Variants in PHLPP1 observed in about 807,000 individuals in gnomAD.
PHLPP1 encodes the protein PH domain and leucine rich repeat protein phosphatase 1.
Under a neutral mutation model 117.2 loss-of-function variants are expected in PHLPP1, and 42 were observed. That is an observed-to-expected ratio of 0.36 (90% confidence interval 0.28 to 0.46). The LOEUF is 0.46. PHLPP1 is among the 20% of genes least tolerant of loss of function. The pLI, the probability that PHLPP1 is intolerant of heterozygous loss-of-function variation, is 1.00. For synonymous variants in PHLPP1, 1,042 were observed against 970.7 expected, an observed-to-expected ratio of 1.07 and a Z score of -1.37; for missense variants, 2,084 against 2,241.9, an observed-to-expected ratio of 0.93 and a Z score of 1.42.
intron 8 of PHLPP1, among the ~76,000 whole-genome samples, chr18:62,912,122 A>T (rs1916966698): frequency 8.4e-6 from 1 of 118,932 alleles, no homozygotes. Flanking sequence ...TGGACACAGG[A>T]AGGGGAATAT....
chr18:62,853,127 A>G (rs894410803), intron 3 of PHLPP1, among the ~76,000 whole-genome samples: 6 of 152,198 alleles, frequency 3.9e-5, no homozygotes, highest in Non-Finnish European at 7.3e-5. Context: ...TGTTCACATT[A>G]GCATTTTTTA....
intron 1 of PHLPP1, among the ~76,000 whole-genome samples, chr18:62,747,387 C>T (rs116136481): frequency 8.7e-4 from 131 of 150,900 alleles, no homozygotes; most frequent in African/African-American, 2.7e-3. Context: ...TGAGTTCAGG[C>T]GATTCTCAGC....
intron 1 of PHLPP1, among the ~76,000 whole-genome samples, chr18:62,731,488 C>T (rs1911226787): frequency 6.6e-6 from 1 of 152,146 alleles, no homozygotes; most frequent in Non-Finnish European, 1.5e-5. Flanking sequence ...TGGCTATTCC[C>T]CCATCTTTTT....
At chr18:62,947,638 T>G (rs2144461745) in intron 12 of PHLPP1, among the ~76,000 whole-genome samples, 1 of 152,344 alleles carries the variant, frequency 6.6e-6, no homozygotes, top group African/African-American at 2.4e-5. Flanking sequence ...TTTGCTGGTC[T>G]TAGTGTCTGT....
chr18:62,920,227 A>G, intron 10 of PHLPP1, 113 bp downstream of exon 10: 1 of 1,036,616 alleles, frequency 9.6e-7, no homozygotes, highest in East Asian at 2.6e-5. Context: ...TCTGTCCCAG[A>G]TTTGTGAAGG....
intron 10 of PHLPP1, among the ~76,000 whole-genome samples, chr18:62,923,930 T>C (rs1909548258): frequency 6.6e-6 from 1 of 152,240 alleles, no homozygotes; most frequent in Non-Finnish European, 1.5e-5. Context: ...CATGGTTCAA[T>C]GTAGCAGACA....
Position 62,978,394 on chromosome 18 carries a change from A to G in PHLPP1, c.4117A>G (p.Ser1373Gly). 6.2e-7 allele frequency: 1 copy of G among 1,612,580 alleles called. No individual in the cohort carries two copies. Among genetic ancestry groups the G allele is most frequent in the Non-Finnish European group, 8.5e-7 (1 of 1,179,340 alleles). ...TPQDEFFILGSKGLWDSLSVE... is the reference protein window; with the variant it reads ...TPQDEFFILGGKGLWDSLSVE... ...CCAGGATGAGTTCTTCATCCTAGGC[A>G]GTAAGGGGTTGTGGGACAGCCTGTC... The change falls in exon 17 of 17, where the codon AGT becomes GGT. Residue 1373 changes from serine to glycine, a missense_variant. By Grantham distance (56) the Ser-to-Gly change is moderately conservative. Around this residue, in one of 2 missense-constraint regions of PHLPP1, gnomAD observed 1,365 missense variants for 1,605.9 expected, o/e 0.85. Transcript: ENST00000262719. This position sits in a 1 kb window ranked among gnomAD's most constrained non-coding sequence, Gnocchi z 7.0.
chr18:62,949,282 T>C (rs1910385349), intron 12 of PHLPP1, among the ~76,000 whole-genome samples: 1 of 152,212 alleles, frequency 6.6e-6, no homozygotes. Flanking sequence ...TTCATAGCTT[T>C]GTTACCAAAG....
chr18:62,822,115 A>G (rs1178493978), intron 1 of PHLPP1, among the ~76,000 whole-genome samples: 1 of 152,094 alleles, frequency 6.6e-6, no homozygotes, highest in Non-Finnish European at 1.5e-5. Flanking sequence ...ATTATCAATT[A>G]AATTCATCAT....
At chr18:62,850,073 AT>A (rs550738658) in intron 3 of PHLPP1, among the ~76,000 whole-genome samples, 49,799 of 134,796 alleles carry the variant, frequency 0.37, 8,186 homozygotes, top group Middle Eastern at 0.43. Flanking sequence ...TTAAACATCA[AT>A]TTTTTTTTTT....
intron 1 of PHLPP1, among the ~76,000 whole-genome samples, chr18:62,815,705 A>G (rs1239961521): frequency 1.3e-5 from 2 of 152,194 alleles, no homozygotes; most frequent in African/African-American, 2.4e-5. Context: ...CTTCTTCTAC[A>G]TTTTGTTTGT....
At chr18:62,938,766 G>A (rs968876937) in intron 10 of PHLPP1, among the ~76,000 whole-genome samples, 1 of 152,084 alleles carries the variant, frequency 6.6e-6, no homozygotes, top group Admixed American at 6.6e-5. Context: ...AATCTTTGAG[G>A]AAATCACTTT....
intron 4 of PHLPP1, among the ~76,000 whole-genome samples, chr18:62,883,644 C>G (rs982329302): frequency 2.0e-5 from 3 of 152,104 alleles, no homozygotes; most frequent in Admixed American, 2.0e-4. Flanking sequence ...CATATTTAAA[C>G]TGTACATACT....
At chr18:62,864,880 T>A (rs774782265) in intron 4 of PHLPP1, among the ~76,000 whole-genome samples, 2 of 152,206 alleles carry the variant, frequency 1.3e-5, no homozygotes, top group African/African-American at 4.8e-5. Flanking sequence ...CAAAAACAAC[T>A]GATACTAGAA....
intron 1 of PHLPP1, among the ~76,000 whole-genome samples, chr18:62,727,412 C>T (rs1911105648): frequency 6.6e-6 from 1 of 151,806 alleles, no homozygotes; most frequent in Admixed American, 6.6e-5. Context: ...AGTTCGAGAC[C>T]AGCCTTGGCA....
intron 1 of PHLPP1, among the ~76,000 whole-genome samples, chr18:62,793,362 T>G (rs1913519548): frequency 6.6e-6 from 1 of 152,212 alleles, no homozygotes; most frequent in African/African-American, 2.4e-5. Flanking sequence ...TTTTACCACC[T>G]GCTGCTGTTT....
chr18:62,723,541 T>C (rs1323773367), intron 1 of PHLPP1, among the ~76,000 whole-genome samples: 1 of 152,220 alleles, frequency 6.6e-6, no homozygotes, highest in African/African-American at 2.4e-5. Flanking sequence ...GAATCAGACA[T>C]CTGAGGAAGA....
chr18:62,769,906 C>T lies in PHLPP1; in HGVS notation c.1576+52647C>T, dbSNP rs192770368. On this transcript the variant is annotated intron_variant, in intron 1 of 16. Transcript: ENST00000262719. ...TTACTTTTTGTTCTTCTTGTACTTACATCATCAAATGCCATGCTTGAAGAA... is the reference window on the plus strand; with the variant it reads ...TTACTTTTTGTTCTTCTTGTACTTATATCATCAAATGCCATGCTTGAAGAA... 1.7e-3 allele frequency among the ~76,000 whole-genome samples: 264 copies of T among 152,250 alleles called. 2 individuals carry two copies. Among genetic ancestry groups the T allele is most frequent in the Non-Finnish European group, 3.1e-3 (208 of 68,014 alleles).
At chr18:62,920,492 T>G (rs1568162015) in intron 10 of PHLPP1, among the ~76,000 whole-genome samples, 1 of 152,198 alleles carries the variant, frequency 6.6e-6, no homozygotes, top group Non-Finnish European at 1.5e-5. Context: ...TTTGGGACTT[T>G]GGGAGATGGA....
Sources: allele counts gnomAD v4.1 joint callset (sites outside exome capture counted in the v4.1 genomes callset), GRCh38; gene constraint gnomAD v4.1.1; regional missense constraint gnomAD v4.1.1; non-coding constraint Gnocchi (gnomAD v3.1); transcripts MANE v1.5; gene names NCBI Gene and HGNC (gene_info 2026-07-23, HGNC 2026-07-21).